The following NDUFAF2 variants were observed in gnomAD, a reference collection of about 807,000 sequenced individuals.
NDUFAF2 encodes the protein NADH dehydrogenase [ubiquinone] 1 alpha subcomplex assembly factor 2.
A neutral mutation model predicts 22.8 loss-of-function variants in NDUFAF2; 13 were observed. That is an observed-to-expected ratio of 0.57 (90% CI 0.37 to 0.91). The LOEUF is 0.91. NDUFAF2 is among the 40% of genes least tolerant of loss of function. NDUFAF2 has a pLI of 0.01. For missense variants in NDUFAF2, 162 were observed against 195.2 expected (o/e 0.83, Z 1.01); for synonymous variants, 53 against 64.2 (o/e 0.83, Z 0.84).
chr5:60,975,008 C>T (rs868791), intron 1 of NDUFAF2, among the ~76,000 whole-genome samples: 63,557 of 151,702 alleles, frequency 0.42, 13,923 homozygotes, highest in East Asian at 0.8. Context: ...GAGGTTTCAC[C>T]ATGTTGGCCA....
At chr5:61,031,219 G>A (rs1164154271) in intron 1 of NDUFAF2, among the ~76,000 whole-genome samples, 2 of 151,982 alleles carry the variant, frequency 1.3e-5, no homozygotes, top group Non-Finnish European at 2.9e-5. Context: ...GAACGTTGCA[G>A]GTTTGTTACA....
Position 60,945,268 on chromosome 5 carries a change from C to G in NDUFAF2, c.13C>G (p.Gln5Glu), listed in dbSNP as rs772489808. 2.5e-6 allele frequency: 4 copies of G among 1,613,420 alleles called. No individual in the cohort carries two copies. The East Asian group carries it at 8.9e-5, about 36-fold the overall frequency. The change falls in exon 1 of 4, where the codon CAG becomes GAG. Residue 5 changes from glutamine to glutamate, a missense_variant. By Grantham distance (29) the Gln-to-Glu change is conservative. Coordinates refer to ENST00000296597, the MANE Select transcript of NDUFAF2 (RefSeq NM_174889.5). ...CTGGGTGGACGGCATGGGTTGGTCT[C>G]AGGATTTGTTCCGCGCCTTGTGGAG... MGWS[Q>E]DLFRALWRSL...
At chr5:60,984,808 G>T (rs1046551377) in intron 1 of NDUFAF2, among the ~76,000 whole-genome samples, 1 of 152,174 alleles carries the variant, frequency 6.6e-6, no homozygotes, top group African/African-American at 2.4e-5. Context: ...GTATTTTATT[G>T]AGGTTTTTTG....
chr5:60,951,906 A>T (rs1389293648), intron 1 of NDUFAF2, among the ~76,000 whole-genome samples: 2 of 151,840 alleles, frequency 1.3e-5, no homozygotes, highest in African/African-American at 4.8e-5. Context: ...TTTGGCAGGT[A>T]TAAGACTACT....
intron 3 of NDUFAF2, among the ~76,000 whole-genome samples, chr5:61,100,859 A>T (rs1580133616): frequency 6.6e-6 from 1 of 152,080 alleles, no homozygotes; most frequent in African/African-American, 2.4e-5. Context: ...ATTTCTCTGT[A>T]CCTGACCATC....
chr5:60,977,654 T>A (rs1284564725), intron 1 of NDUFAF2, among the ~76,000 whole-genome samples: 2 of 151,862 alleles, frequency 1.3e-5, no homozygotes, highest in Non-Finnish European at 2.9e-5. Flanking sequence ...CTGGTCAATA[T>A]GGTGAAACCC....
At chr5:61,118,544 T>C (rs1752940369) in intron 3 of NDUFAF2, among the ~76,000 whole-genome samples, 1 of 152,184 alleles carries the variant, frequency 6.6e-6, no homozygotes, top group Admixed American at 6.6e-5. Context: ...CTGGTTGAGT[T>C]TGACAATGAG....
intron 1 of NDUFAF2, among the ~76,000 whole-genome samples, chr5:60,946,640 A>G (rs1750461281): frequency 6.6e-6 from 1 of 152,214 alleles, no homozygotes; most frequent in African/African-American, 2.4e-5. Flanking sequence ...AAACTGTCAG[A>G]CTGAGTTTTT....
chr5:61,096,590 A>C (rs1056911445), intron 2 of NDUFAF2, among the ~76,000 whole-genome samples: 5 of 114,262 alleles, frequency 4.4e-5, no homozygotes, highest in African/African-American at 7.0e-5. Context: ...AGAGTGAGAC[A>C]CCATTGCAAA....
chr5:60,967,675 C>G (rs1484908962), intron 1 of NDUFAF2, among the ~76,000 whole-genome samples: 1 of 151,730 alleles, frequency 6.6e-6, no homozygotes, highest in Non-Finnish European at 1.5e-5. Context: ...ACCATTCTTG[C>G]TTTCCAGGGA....
intron 3 of NDUFAF2, among the ~76,000 whole-genome samples, chr5:61,099,638 AGATT>A (rs1752682918): frequency 6.6e-6 from 1 of 151,566 alleles, no homozygotes; most frequent in Admixed American, 6.6e-5. Context: ...ATTTTTATAT[AGATT>A]ATTTTATAAA....
chr5:61,064,063 T>C (rs1262135059), intron 1 of NDUFAF2, among the ~76,000 whole-genome samples: 2 of 152,060 alleles, frequency 1.3e-5, no homozygotes, highest in East Asian at 3.9e-4. Context: ...ATATTCCATT[T>C]AATGGTAATC....
rs545104052 is a variant in NDUFAF2 at position 61,096,231 on chromosome 5, A to G, written c.218-2761A>G. On this transcript the variant is annotated intron_variant, in intron 2 of 3. Coordinates refer to ENST00000296597, the MANE Select transcript of NDUFAF2 (RefSeq NM_174889.5). ...AATACCCCAAAAGAGTAGGTACTTAAAATGACAGAAAAATAAATCTCCCAT... is the reference window on the plus strand; with the variant it reads ...AATACCCCAAAAGAGTAGGTACTTAGAATGACAGAAAAATAAATCTCCCAT... 3.4e-4 allele frequency among the ~76,000 whole-genome samples: 52 copies of G among 152,322 alleles called. 2 individuals are homozygous for G. The South Asian group carries it at 8.9e-3, about 26-fold the overall frequency.
chr5:60,965,136 TGACAGATACAGAA>T (rs911658835), intron 1 of NDUFAF2, among the ~76,000 whole-genome samples: 6 of 152,128 alleles, frequency 3.9e-5, no homozygotes, highest in African/African-American at 1.4e-4. Flanking sequence ...ACCACTAACA[TGACAGATACAGAA>T]GACAGAAAAA....
intron 1 of NDUFAF2, among the ~76,000 whole-genome samples, chr5:60,962,221 G>T (rs1434794677): frequency 2.7e-5 from 4 of 148,818 alleles, no homozygotes; most frequent in Non-Finnish European, 5.9e-5. Flanking sequence ...TAGGTTTTCT[G>T]ACAAAACTAT....
At chr5:61,054,500 G>A (rs1580114897) in intron 1 of NDUFAF2, among the ~76,000 whole-genome samples, 1 of 152,172 alleles carries the variant, frequency 6.6e-6, no homozygotes, top group Admixed American at 6.5e-5. Context: ...CTAACAGTGA[G>A]GAAAATGGTC....
chr5:61,105,389 T>A (rs1015850455), intron 3 of NDUFAF2, among the ~76,000 whole-genome samples: 35 of 151,222 alleles, frequency 2.3e-4, no homozygotes, highest in Non-Finnish European at 2.9e-4. Flanking sequence ...AGAATCCTAC[T>A]TCCTGATGAC....
intron 1 of NDUFAF2, among the ~76,000 whole-genome samples, chr5:61,019,593 A>G (rs1400812819): frequency 1.3e-5 from 2 of 152,076 alleles, no homozygotes; most frequent in Non-Finnish European, 2.9e-5. Flanking sequence ...TTTTCCAGCA[A>G]CAAGGCAATC....
At chr5:60,998,422 C>G (rs1751255300) in intron 1 of NDUFAF2, among the ~76,000 whole-genome samples, 1 of 152,024 alleles carries the variant, frequency 6.6e-6, no homozygotes, top group Non-Finnish European at 1.5e-5. Flanking sequence ...ACTATAGTAG[C>G]TTGATAACCT....
Sources: gnomAD v4.1 joint callset for allele counts (sites outside exome capture counted in the v4.1 genomes callset) on GRCh38, gnomAD v4.1.1 for gene constraint, MANE v1.5 for transcripts, NCBI Gene and HGNC (gene_info 2026-07-23, HGNC 2026-07-21) for gene names.